SCP2: variants seen among roughly 807,000 people sequenced by gnomAD.
The protein encoded by SCP2 is sterol carrier protein 2.
SCP2 carries 48 observed loss-of-function variants against 71.4 expected under a neutral mutation model. The ratio of observed to expected loss-of-function variants is 0.67; its 90% confidence interval spans 0.53 to 0.86. SCP2 has a LOEUF of 0.86. Among genes scored for constraint, SCP2 ranks in the 40% least tolerant of loss-of-function variants. The pLI, the probability that SCP2 is intolerant of heterozygous loss-of-function variation, is 0.00. For synonymous variants in SCP2, 220 were observed against 218.1 expected (o/e 1.01, Z -0.08); for missense variants, 560 against 655.6 (o/e 0.85, Z 1.59).
At chr1:52,997,066 T>G (rs1366104316) in intron 11 of SCP2, among the ~76,000 whole-genome samples, 1 of 152,258 alleles carries the variant, frequency 6.6e-6, no homozygotes, top group African/African-American at 2.4e-5. Context: ...CACAAAAATG[T>G]GTACACTGAT....
chr1:52,979,533 A>C (rs570743261), intron 9 of SCP2, among the ~76,000 whole-genome samples: 51 of 152,244 alleles, frequency 3.3e-4, no homozygotes, highest in African/African-American at 1.2e-3. Context: ...TTATTTGAGG[A>C]GAAAAACATG....
chr1:52,968,753 C>CA (rs1284660518), intron 6 of SCP2, among the ~76,000 whole-genome samples: 1 of 152,156 alleles, frequency 6.6e-6, no homozygotes, highest in Non-Finnish European at 1.5e-5. Context: ...CCTTGAACAA[C>CA]AGGGGGTTTA....
intron 1 of SCP2, among the ~76,000 whole-genome samples, chr1:52,930,315 A>T (rs917082396): frequency 8.5e-6 from 1 of 117,854 alleles, no homozygotes. Flanking sequence ...CCTAAAGTAT[A>T]TCTTAAAAAA....
chr1:53,028,032 A>G lies in SCP2; in HGVS notation c.1299A>G (p.Ala433=). ...GCTCTGCAAGTGATGGATTTAAGGC[A>G]AATCTTGTTTTTAAGGAGATTGAGA... is the stretch of plus-strand genomic sequence containing the variant. ...PTSSASDGFK[A]NLVFKEIEKK... is the part of the protein sequence containing the mutation. The change falls in exon 13 of 16, where the codon GCA becomes GCG. Residue 433 remains alanine, a synonymous_variant. Coordinates refer to ENST00000371514, the MANE Select transcript of SCP2 (RefSeq NM_002979.5). The G allele has an allele frequency of 6.2e-7, 1 of 1,611,046 alleles. No individual in the cohort carries two copies. The highest frequency in any genetic ancestry group is 8.5e-7 in the Non-Finnish European group (1 of 1,177,304).
intron 11 of SCP2, chr1:52,994,973 AG>A: frequency 2.0e-6 from 1 of 512,164 alleles, no homozygotes; most frequent in Admixed American, 2.2e-5. Flanking sequence ...CCTTTTGGCC[AG>A]GTGCTTAAAC....
Position 53,027,924 on chromosome 1 carries a change from A to G in SCP2, c.1236-45A>G, listed in dbSNP as rs760209926. On this transcript the variant is annotated intron_variant, in intron 12 of 15. Coordinates refer to ENST00000371514, the MANE Select transcript of SCP2 (RefSeq NM_002979.5). ...CTATTTTATAAATGTTGAAAAACCT[A>G]GTACCTATGTGACTCCATGAATTGA... 46 of 1,035,840 alleles carry G rather than the reference A, an allele frequency of 4.4e-5. No individual in the cohort carries two copies. In the Admixed American group the frequency reaches 7.7e-4, roughly 17 times the overall value. 64.2% of individuals were successfully genotyped at this position (1,035,840 alleles called of 1,614,324 possible).
At chr1:53,000,968 A>T (rs1660279703) in intron 11 of SCP2, among the ~76,000 whole-genome samples, 1 of 151,858 alleles carries the variant, frequency 6.6e-6, no homozygotes, top group South Asian at 2.1e-4. Context: ...AAAAAGAAAA[A>T]AATTATATAT....
chr1:52,933,698 T>C (rs536409576), intron 1 of SCP2, among the ~76,000 whole-genome samples: 1 of 152,334 alleles, frequency 6.6e-6, no homozygotes, highest in Admixed American at 6.5e-5. Flanking sequence ...ATTACCATCA[T>C]TTTTGACAGC....
intron 13 of SCP2, among the ~76,000 whole-genome samples, chr1:53,038,218 C>T (rs888313519): frequency 7.9e-5 from 11 of 139,760 alleles, no homozygotes; most frequent in Non-Finnish European, 1.5e-4. Context: ...ACCATTTATA[C>T]GCTTATATAT....
intron 11 of SCP2, among the ~76,000 whole-genome samples, chr1:52,989,521 GC>G (rs35211356): frequency 0.067 from 10,233 of 152,218 alleles, 463 homozygotes; most frequent in African/African-American, 0.12. Context: ...AAAATTAGCA[GC>G]CTAGCTGGCA....
At chr1:52,928,132 C>G (rs1429981763) in intron 1 of SCP2, among the ~76,000 whole-genome samples, 1 of 152,216 alleles carries the variant, frequency 6.6e-6, no homozygotes, top group African/African-American at 2.4e-5. Context: ...CCGTTCAGAT[C>G]GGATCTTCTC....
intron 1 of SCP2, among the ~76,000 whole-genome samples, chr1:52,932,351 T>A (rs1453315577): frequency 6.6e-6 from 1 of 152,182 alleles, no homozygotes; most frequent in Non-Finnish European, 1.5e-5. Context: ...TTAAGCAAAA[T>A]TTTTGATCCT....
intron 11 of SCP2, chr1:52,995,526 C>G (rs1557595922): frequency 4.5e-6 from 2 of 441,440 alleles, no homozygotes; most frequent in Non-Finnish European, 9.0e-6. Flanking sequence ...CTGGCTTTGC[C>G]CTCTCACCAG....
chr1:52,959,816 G>T (rs1408926774), intron 5 of SCP2, among the ~76,000 whole-genome samples: 3 of 151,128 alleles, frequency 2.0e-5, no homozygotes, highest in African/African-American at 7.3e-5. Flanking sequence ...TTTTTCCATG[G>T]TCATCTTTTG....
chr1:53,040,879 A>G (rs1401601532), intron 14 of SCP2, among the ~76,000 whole-genome samples: 5 of 152,202 alleles, frequency 3.3e-5, no homozygotes, highest in African/African-American at 1.2e-4. Flanking sequence ...CCTTGAAGAC[A>G]GAGCTTTTTG....
rs1433892263 is a variant in SCP2, at chr1:52,927,379, T to C, written c.-18T>C. 1 of 1,573,706 alleles carries C rather than the reference T, an allele frequency of 6.4e-7. No homozygotes were observed. Among genetic ancestry groups the C allele is most frequent in the East Asian group, 2.3e-5 (1 of 43,248 alleles). On this transcript the variant is annotated 5_prime_UTR_variant, in exon 1 of 16. Transcript: ENST00000371514. ...CAGTCGTCCGCGGCGCCCGCCCCGGTCCCGCACTGGTGCAGCCATGTCCTC... is the reference window on the plus strand; with the variant it reads ...CAGTCGTCCGCGGCGCCCGCCCCGGCCCCGCACTGGTGCAGCCATGTCCTC...
intron 9 of SCP2, among the ~76,000 whole-genome samples, chr1:52,978,575 T>C (rs1259534015): frequency 6.6e-6 from 1 of 152,216 alleles, no homozygotes; most frequent in African/African-American, 2.4e-5. Flanking sequence ...TTTTCTTTTC[T>C]TTCTTTCAAC....
At chr1:52,997,498 G>A (rs1001835855) in intron 11 of SCP2, among the ~76,000 whole-genome samples, 2 of 152,160 alleles carry the variant, frequency 1.3e-5, no homozygotes, top group African/African-American at 4.8e-5. Flanking sequence ...GGCCATGAAA[G>A]GAATGAGGTA....
intron 12 of SCP2, among the ~76,000 whole-genome samples, chr1:53,026,280 T>A (rs1031541574): frequency 6.6e-6 from 1 of 152,190 alleles, no homozygotes; most frequent in Non-Finnish European, 1.5e-5. Flanking sequence ...TATTCTCTTT[T>A]GATTATTCTC....
Sources: gnomAD v4.1 joint callset for allele counts (sites outside exome capture counted in the v4.1 genomes callset) on GRCh38, gnomAD v4.1.1 for gene constraint, MANE v1.5 for transcripts, NCBI Gene and HGNC (gene_info 2026-07-23, HGNC 2026-07-21) for gene names.